KIAA0825: variants seen among roughly 807,000 people sequenced by gnomAD.
The protein encoded by KIAA0825 is KIAA0825.
In KIAA0825, 119 loss-of-function variants were observed where a neutral mutation model predicts 147.6. The observed-to-expected ratio is 0.81, with a 90% CI of 0.69 to 0.94. KIAA0825 has a LOEUF of 0.94. Among genes scored for constraint, KIAA0825 ranks in the 40% least tolerant of loss-of-function variants. The probability of loss-of-function intolerance (pLI) is 0.00; values close to 1 mark genes in which losing one functional copy is unlikely to be tolerated. For synonymous variants in KIAA0825, 470 were observed against 518.1 expected, an observed-to-expected ratio of 0.91 and a Z score of 1.26; for missense variants, 1,381 against 1,472.7, an observed-to-expected ratio of 0.94 and a Z score of 1.02.
chr5:94,557,382 G>A (rs544344579), intron 2 of KIAA0825, among the ~76,000 whole-genome samples: 2 of 151,306 alleles, frequency 1.3e-5, no homozygotes, highest in East Asian at 1.9e-4. Context: ...GCTTATGGAC[G>A]TGAGCCACCA....
intron 20 of KIAA0825, among the ~76,000 whole-genome samples, chr5:94,297,972 C>T (rs1584037088): frequency 7.1e-6 from 1 of 140,512 alleles, no homozygotes; most frequent in African/African-American, 2.6e-5. Context: ...GTGTGCTGAG[C>T]GTGGTGGCTC....
intron 2 of KIAA0825, chr5:94,567,391 C>T (rs549223153): frequency 7.2e-5 from 11 of 152,248 alleles, no homozygotes; most frequent in Non-Finnish European, 1.3e-4. Flanking sequence ...CATGATGGAA[C>T]ACTTAAGTTG....
At chr5:94,167,019 A>T (rs1307171412) in intron 20 of KIAA0825, among the ~76,000 whole-genome samples, 2 of 152,120 alleles carry the variant, frequency 1.3e-5, no homozygotes, top group Non-Finnish European at 2.9e-5. Context: ...TACAAACCAG[A>T]ATATTCATCT....
At chr5:94,346,465 G>A (rs536794127) in intron 20 of KIAA0825, among the ~76,000 whole-genome samples, 2 of 152,266 alleles carry the variant, frequency 1.3e-5, no homozygotes, top group South Asian at 2.1e-4. Flanking sequence ...GACTGCTCCT[G>A]CAGGACCCAG....
intron 20 of KIAA0825, among the ~76,000 whole-genome samples, chr5:94,293,372 A>C (rs1018790550): frequency 6.6e-6 from 1 of 152,142 alleles, no homozygotes; most frequent in Non-Finnish European, 1.5e-5. Flanking sequence ...TTATTTACTC[A>C]GTAGTCATTC....
chr5:94,552,787 G>T (rs1343446512), intron 2 of KIAA0825, among the ~76,000 whole-genome samples: 1 of 152,144 alleles, frequency 6.6e-6, no homozygotes, highest in Non-Finnish European at 1.5e-5. Context: ...AACACCGCAT[G>T]CTAACACTTA....
intron 14 of KIAA0825, among the ~76,000 whole-genome samples, chr5:94,419,928 G>C (rs1209730290): frequency 6.6e-6 from 1 of 152,062 alleles, no homozygotes; most frequent in East Asian, 1.9e-4. Flanking sequence ...TTAAGTCTAA[G>C]TGATATAAGT....
At chr5:94,584,751 G>C (rs1782925839) in intron 1 of KIAA0825, among the ~76,000 whole-genome samples, 1 of 152,076 alleles carries the variant, frequency 6.6e-6, no homozygotes, top group Non-Finnish European at 1.5e-5. Flanking sequence ...GATTCACTAA[G>C]GTTGAAATGA....
At chr5:94,359,912 T>C (rs1398788376) in intron 20 of KIAA0825, among the ~76,000 whole-genome samples, 2 of 152,216 alleles carry the variant, frequency 1.3e-5, no homozygotes, top group African/African-American at 4.8e-5. Flanking sequence ...CCATTCTCTT[T>C]TCTTGTCTGT....
intron 13 of KIAA0825, among the ~76,000 whole-genome samples, chr5:94,452,448 C>T (rs1451152270): frequency 6.6e-6 from 1 of 152,188 alleles, no homozygotes; most frequent in Non-Finnish European, 1.5e-5. Flanking sequence ...AGAAATCAAA[C>T]TGCCATTTCA....
chr5:94,334,603 C>T (rs1397949206), intron 20 of KIAA0825, among the ~76,000 whole-genome samples: 1 of 152,196 alleles, frequency 6.6e-6, no homozygotes, highest in African/African-American at 2.4e-5. Context: ...CTGCCTCAGC[C>T]TCCTGAGTAG....
At chr5:94,215,947 C>T (rs950679257) in intron 20 of KIAA0825, among the ~76,000 whole-genome samples, 3 of 152,140 alleles carry the variant, frequency 2.0e-5, no homozygotes, top group Non-Finnish European at 4.4e-5. Flanking sequence ...AATTTCACCA[C>T]GATGAACTCC....
chr5:94,440,007 TAA>T lies in KIAA0825; in HGVS notation c.2470_2471del (p.Leu824ThrfsTer17). The stretch of plus-strand genomic sequence containing the variant: ...TTGAGCTCTTCAGCAAGATTCTCAG[TAA>T]AAGTCCATCATGATGCAGTAGGGTT... ...LETLLHHDGL[L>X]LRILLKSSKQ... On this transcript the variant is annotated frameshift_variant, in exon 14 of 21. Coordinates refer to ENST00000682413, the MANE Select transcript of KIAA0825 (RefSeq NM_001145678.3). LOFTEE classifies it high-confidence loss of function. 6.4e-7 allele frequency: 1 copy of T among 1,551,710 alleles called. No homozygotes were observed. The highest frequency in any genetic ancestry group is 2.4e-5 in the East Asian group (1 of 40,896).
chr5:94,401,030 G>T (rs761979336), intron 16 of KIAA0825, among the ~76,000 whole-genome samples: 25 of 151,836 alleles, frequency 1.6e-4, no homozygotes, highest in Admixed American at 2.6e-4. Context: ...GATAAATTTT[G>T]TAAGAACCAT....
intron 20 of KIAA0825, among the ~76,000 whole-genome samples, chr5:94,160,730 A>C (rs1035178233): frequency 6.6e-6 from 1 of 151,310 alleles, no homozygotes; most frequent in Admixed American, 6.6e-5. Context: ...TATTTAAATT[A>C]TTCAAACTGA....
At chr5:94,486,952 T>C (rs1763126266) in intron 5 of KIAA0825, among the ~76,000 whole-genome samples, 1 of 152,198 alleles carries the variant, frequency 6.6e-6, no homozygotes, top group East Asian at 1.9e-4. Flanking sequence ...CACTAGAAAT[T>C]AAGCATGTTT....
chr5:94,416,124 T>A (rs569414073), intron 15 of KIAA0825: 1 of 152,296 alleles, frequency 6.6e-6, no homozygotes, highest in East Asian at 1.9e-4. Context: ...CAAGAAGCAG[T>A]AAGGGAATGC....
chr5:94,488,910 C>T (rs1186471189), intron 5 of KIAA0825, among the ~76,000 whole-genome samples: 1 of 152,162 alleles, frequency 6.6e-6, no homozygotes, highest in Non-Finnish European at 1.5e-5. Context: ...CAAACGTTTT[C>T]GAGCAATGAA....
At chr5:94,531,294 GGAGT>G (rs1770749960) in intron 3 of KIAA0825, among the ~76,000 whole-genome samples, 1 of 152,140 alleles carries the variant, frequency 6.6e-6, no homozygotes, top group African/African-American at 2.4e-5. Flanking sequence ...GACGGAGAAA[GGAGT>G]AAGTATCACC....
Sources: allele counts gnomAD v4.1 joint callset (sites outside exome capture counted in the v4.1 genomes callset), GRCh38; gene constraint gnomAD v4.1.1; transcripts MANE v1.5; gene names NCBI Gene and HGNC (gene_info 2026-07-23, HGNC 2026-07-21).